PBX1: variants seen among roughly 807,000 people sequenced by gnomAD.
The protein encoded by PBX1 is PBX homeobox 1, also known as pre-B-cell leukemia transcription factor 1.
Under a neutral mutation model 53.4 loss-of-function variants are expected in PBX1, and 6 were observed. The observed-to-expected ratio is 0.11, with a 90% CI of 0.06 to 0.22. PBX1 has a LOEUF of 0.22. Among genes scored for constraint, PBX1 ranks in the 10% least tolerant of loss-of-function variants. The pLI, the probability that PBX1 is intolerant of heterozygous loss-of-function variation, is 1.00. For synonymous variants in PBX1, 204 were observed against 212.3 expected (o/e 0.96, Z 0.34); for missense variants, 251 against 551.4 (o/e 0.46, Z 5.46).
intron 5 of PBX1, among the ~76,000 whole-genome samples, chr1:164,808,874 C>T (rs554806807): frequency 2.0e-5 from 3 of 152,264 alleles, no homozygotes; most frequent in Admixed American, 1.3e-4. Context: ...TTAACCTGGG[C>T]CTTCCTTAGG....
At chr1:164,638,683 A>G (rs1186707921) in intron 2 of PBX1, among the ~76,000 whole-genome samples, 1 of 152,214 alleles carries the variant, frequency 6.6e-6, no homozygotes, top group African/African-American at 2.4e-5. Flanking sequence ...AGGAGCGATA[A>G]AGGCAGGTGA....
chr1:164,848,497 G>A lies in PBX1; in HGVS notation c.*1821G>A. On this transcript the variant is annotated 3_prime_UTR_variant, in exon 9 of 9. Transcript: ENST00000420696. ...AATAAACGGGTTCATGCCATCTAGGGACAATAAATGGTTTTCTTGTTGTAA... is the reference window on the plus strand; with the variant it reads ...AATAAACGGGTTCATGCCATCTAGGAACAATAAATGGTTTTCTTGTTGTAA... 9.4e-7 allele frequency: 1 copy of A among 1,058,850 alleles called. No individual in the cohort carries two copies. Among genetic ancestry groups the A allele is most frequent in the Non-Finnish European group, 1.1e-6 (1 of 875,188 alleles). 65.6% of individuals were successfully genotyped at this position (1,058,850 alleles called of 1,614,324 possible).
chr1:164,630,013 A>G (rs1658308575), intron 2 of PBX1, among the ~76,000 whole-genome samples: 1 of 152,232 alleles, frequency 6.6e-6, no homozygotes. Flanking sequence ...GAGAAATGCT[A>G]TCAATAAAAG....
At chr1:164,633,516 C>T (rs1165019043) in intron 2 of PBX1, among the ~76,000 whole-genome samples, 6 of 152,134 alleles carry the variant, frequency 3.9e-5, no homozygotes, top group Non-Finnish European at 7.3e-5. Flanking sequence ...CTGCTAGGTC[C>T]ATTTTGTTAT....
chr1:164,760,478 T>C (rs970152039), intron 2 of PBX1, among the ~76,000 whole-genome samples: 3 of 147,264 alleles, frequency 2.0e-5, no homozygotes. Flanking sequence ...CCTCCTTCCT[T>C]CCTTCGGATT....
At chr1:164,640,556 G>GT (rs1272033438) in intron 2 of PBX1, among the ~76,000 whole-genome samples, 325 of 30,678 alleles carry the variant, frequency 0.011, 20 homozygotes, top group East Asian at 0.021. Context: ...TTTTTTTTTT[G>GT]TGTTTTTTTT....
intron 2 of PBX1, among the ~76,000 whole-genome samples, chr1:164,656,921 G>A (rs1429461918): frequency 1.3e-5 from 2 of 152,034 alleles, no homozygotes; most frequent in African/African-American, 4.8e-5. Context: ...TTATACATGG[G>A]TTGACTGTGG....
rs767301851 is a variant in PBX1, at chr1:164,563,217, C to T, written c.192-21C>T. 10 of 1,575,794 alleles carry T rather than the reference C, an allele frequency of 6.3e-6. No individual in the cohort carries two copies. The Admixed American group carries it at 1.5e-4, about 24-fold the overall frequency. ...GATCTTGAGAGTCCACCTAAGCTAT[C>T]ATGTTGTTTCTTTCTTGCAGAAAAC... On this transcript the variant is annotated intron_variant, in intron 1 of 8. Transcript: ENST00000420696.
intron 2 of PBX1, among the ~76,000 whole-genome samples, chr1:164,775,047 C>G (rs190736452): frequency 1.4e-3 from 216 of 152,282 alleles, no homozygotes; most frequent in Non-Finnish European, 2.4e-3. Flanking sequence ...TGGCTGGGCT[C>G]TGTGCTTCGC....
chr1:164,735,452 G>C (rs533849578), intron 2 of PBX1, among the ~76,000 whole-genome samples: 18 of 152,310 alleles, frequency 1.2e-4, no homozygotes, highest in Admixed American at 9.8e-4. Flanking sequence ...TGGGAACAAA[G>C]CTGAAAAGAG....
intron 2 of PBX1, among the ~76,000 whole-genome samples, chr1:164,711,317 G>C (rs950494730): frequency 6.6e-6 from 1 of 152,154 alleles, no homozygotes; most frequent in African/African-American, 2.4e-5. Context: ...ATGCTGGAGT[G>C]CAGTGGCGCG....
chr1:164,670,881 C>T (rs1324974372), intron 2 of PBX1, among the ~76,000 whole-genome samples: 1 of 152,200 alleles, frequency 6.6e-6, no homozygotes, highest in Admixed American at 6.5e-5. Context: ...CGCCCGTGTG[C>T]ACTTTGCAAA....
chr1:164,829,717 C>T (rs1453334918), intron 8 of PBX1: 1 of 151,572 alleles, frequency 6.6e-6, no homozygotes, highest in Non-Finnish European at 1.5e-5. Context: ...CCATGGCACA[C>T]ATTTGCCTAT....
intron 4 of PBX1, among the ~76,000 whole-genome samples, chr1:164,802,815 TA>T (rs1183256069): frequency 1.3e-5 from 2 of 152,188 alleles, no homozygotes; most frequent in East Asian, 3.9e-4. Flanking sequence ...TCATGCTATA[TA>T]CCAAGCATTG....
intron 2 of PBX1, among the ~76,000 whole-genome samples, chr1:164,776,978 A>AGATG (rs1553244687): frequency 0.086 from 4,003 of 46,432 alleles, 492 homozygotes; most frequent in African/African-American, 0.21. Flanking sequence ...AGAGAGAGAG[A>AGATG]GGAGGTGTGG....
intron 2 of PBX1, among the ~76,000 whole-genome samples, chr1:164,675,671 C>T (rs1661391341): frequency 6.6e-6 from 1 of 152,152 alleles, no homozygotes; most frequent in South Asian, 2.1e-4. Flanking sequence ...GATCCTTTTA[C>T]CAGGTATTAC....
At position 164,849,604 on chromosome 1, in the gene PBX1, A is replaced by G; in HGVS notation, c.*2928A>G. ...CCCGACAGCGAATTTCCCCTGAGAA[A>G]CGATACTAGACCCTGGGTTTGCCCA... On this transcript the variant is annotated 3_prime_UTR_variant, in exon 9 of 9. Transcript: ENST00000420696. 1 of 705,932 alleles carries G rather than the reference A, an allele frequency of 1.4e-6. No homozygotes were observed. Among genetic ancestry groups the G allele is most frequent in the Non-Finnish European group, 2.2e-6 (1 of 451,772 alleles). 43.7% of individuals were successfully genotyped at this position (705,932 alleles called of 1,614,324 possible). A position where few individuals can be genotyped will look rare whatever the true frequency, so the allele number is the denominator to read the frequency against.
chr1:164,673,482 T>C (rs1012365047), intron 2 of PBX1, among the ~76,000 whole-genome samples: 4 of 147,708 alleles, frequency 2.7e-5, no homozygotes, highest in African/African-American at 1.0e-4. Context: ...TTTTTTTTTT[T>C]TTTTTTGAGA....
At chr1:164,580,697 C>T (rs1654553160) in intron 2 of PBX1, among the ~76,000 whole-genome samples, 1 of 152,166 alleles carries the variant, frequency 6.6e-6, no homozygotes, top group Non-Finnish European at 1.5e-5. Flanking sequence ...CTGCCTCAGC[C>T]TCCCGAGTAG....
Sources: allele counts gnomAD v4.1 joint callset (sites outside exome capture counted in the v4.1 genomes callset), GRCh38; gene constraint gnomAD v4.1.1; transcripts MANE v1.5; gene names NCBI Gene and HGNC (gene_info 2026-07-23, HGNC 2026-07-21).